The following ANKRD11 variants were observed in gnomAD, a reference collection of about 807,000 sequenced individuals.
ANKRD11 encodes the protein ankyrin repeat domain 11.
A neutral mutation model predicts 195.7 loss-of-function variants in ANKRD11; 17 were observed. The ratio of observed to expected loss-of-function variants is 0.09; its 90% CI spans 0.06 to 0.13. The LOEUF (loss-of-function observed/expected upper bound fraction) is 0.13. Ranked by LOEUF, ANKRD11 falls within the 10% of genes least tolerant of loss-of-function variation. The pLI, the probability that ANKRD11 is intolerant of heterozygous loss-of-function variation, is 1.00. For synonymous variants in ANKRD11, 1,953 were observed against 1,528.1 expected (o/e 1.28, Z -6.49); for missense variants, 3,735 against 3,566.1 (o/e 1.05, Z -1.21).
chr16:89,330,553 G>A lies in ANKRD11; in HGVS notation c.-59-13475C>T, dbSNP rs558311531. Among the ~76,000 whole-genome samples, 3 of 151,800 alleles carry A rather than the reference G, an allele frequency of 2.0e-5. No homozygotes were observed. The East Asian group carries it at 5.8e-4, about 29-fold the overall frequency. On this transcript the variant is annotated intron_variant, in intron 2 of 12. Transcript: ENST00000301030. The stretch of plus-strand genomic sequence containing the variant: ...TTTCCACAGTGCAGTCATTGATGGG[G>A]TGGTGTGGGGGGGAGCCACGGCACC...
At chr16:89,361,968 G>A (rs1411524423) in intron 2 of ANKRD11, among the ~76,000 whole-genome samples, 1 of 152,222 alleles carries the variant, frequency 6.6e-6, no homozygotes, top group Non-Finnish European at 1.5e-5. Context: ...TGGATGGGCG[G>A]CCAGGGGCTT....
intron 7 of ANKRD11, chr16:89,287,104 A>G (rs1333201334): frequency 7.8e-7 from 1 of 1,289,812 alleles, no homozygotes. Context: ...CCTTTCCTCC[A>G]TCATGGGGGC....
intron 11 of ANKRD11, chr16:89,272,056 A>G (rs1158913619): frequency 6.6e-6 from 1 of 152,268 alleles, no homozygotes; most frequent in East Asian, 1.9e-4. Context: ...GAAAAAATCT[A>G]ATAATCCCAT....
chr16:89,397,149 AC>A (rs959114679), intron 2 of ANKRD11, among the ~76,000 whole-genome samples: 2 of 152,104 alleles, frequency 1.3e-5, no homozygotes, highest in African/African-American at 4.8e-5. Context: ...CAGCAGACAT[AC>A]CCACAGAGCC....
chr16:89,377,596 C>T (rs752709715), intron 2 of ANKRD11, among the ~76,000 whole-genome samples: 1 of 152,154 alleles, frequency 6.6e-6, no homozygotes, highest in Non-Finnish European at 1.5e-5. Flanking sequence ...TTCTGACCCA[C>T]ACCAGGTGAC....
chr16:89,482,145 CAG>C (rs1422170334), intron 1 of ANKRD11, among the ~76,000 whole-genome samples: 39 of 152,274 alleles, frequency 2.6e-4, no homozygotes, highest in African/African-American at 9.1e-4. Flanking sequence ...TCAGAAAAAG[CAG>C]AGTTTGTCTA....
chr16:89,457,404 C>A, intron 1 of ANKRD11, among the ~76,000 whole-genome samples: 1 of 150,838 alleles, frequency 6.6e-6, no homozygotes, highest in Admixed American at 6.6e-5. Flanking sequence ...CAAGACCAGC[C>A]CAGTCAATAT....
At chr16:89,414,256 T>A (rs1000841375) in intron 2 of ANKRD11, among the ~76,000 whole-genome samples, 10 of 152,248 alleles carry the variant, frequency 6.6e-5, no homozygotes, top group Non-Finnish European at 1.5e-5. Context: ...GCCTTTGTTA[T>A]CATTAACAAA....
chr16:89,373,811 G>A (rs2040299793), intron 2 of ANKRD11, among the ~76,000 whole-genome samples: 1 of 152,222 alleles, frequency 6.6e-6, no homozygotes, highest in Admixed American at 6.5e-5. Flanking sequence ...AGACGCCTGT[G>A]TAGGGTTACA....
chr16:89,440,799 C>T (rs1257829640), intron 1 of ANKRD11, among the ~76,000 whole-genome samples: 1 of 152,150 alleles, frequency 6.6e-6, no homozygotes, highest in Non-Finnish European at 1.5e-5. Context: ...CCAAGCCTGC[C>T]GGGACTGAAA....
chr16:89,442,691 T>G (rs2043573923), intron 1 of ANKRD11, among the ~76,000 whole-genome samples: 1 of 152,208 alleles, frequency 6.6e-6, no homozygotes, highest in African/African-American at 2.4e-5. Context: ...GTTAGTCCTT[T>G]CCTCCCCACC....
In ANKRD11 at chr16:89,291,406, C is replaced by A. The variant is rs1043063551; in HGVS notation, c.227-223G>T. 7.2e-5 allele frequency among the ~76,000 whole-genome samples: 11 copies of A among 152,212 alleles called. No homozygotes were observed. The highest frequency in any genetic ancestry group is 2.7e-4 in the African/African-American group (11 of 41,452). On this transcript the variant is annotated intron_variant, in intron 4 of 12. Coordinates refer to ENST00000301030, the MANE Select transcript of ANKRD11 (RefSeq NM_013275.6). This position sits in a 1 kb window ranked among gnomAD's most constrained non-coding sequence, Gnocchi z 5.3. ...GTGAGACCATTTAAACACCTCGTTACCAGCCCCTCAAGTCTGCTAAGCCTG... is the reference window on the plus strand; with the variant it reads ...GTGAGACCATTTAAACACCTCGTTAACAGCCCCTCAAGTCTGCTAAGCCTG...
chr16:89,455,942 G>T (rs2056414754), intron 1 of ANKRD11, among the ~76,000 whole-genome samples: 1 of 152,130 alleles, frequency 6.6e-6, no homozygotes, highest in South Asian at 2.1e-4. Context: ...ATTGAAAACA[G>T]AAAGGTGGAA....
At chr16:89,320,272 C>G (rs1479847120) in intron 2 of ANKRD11, 2 of 152,288 alleles carry the variant, frequency 1.3e-5, no homozygotes, top group Non-Finnish European at 2.9e-5. Flanking sequence ...CCGGGTCTCA[C>G]TCCCGGGGGA....
intron 2 of ANKRD11, among the ~76,000 whole-genome samples, chr16:89,320,785 G>A (rs1178975622): frequency 2.0e-5 from 3 of 152,246 alleles, no homozygotes; most frequent in Non-Finnish European, 4.4e-5. Flanking sequence ...GGCCAGCTCT[G>A]GGATCCAGGG....
chr16:89,477,707 T>C (rs2152364136), intron 1 of ANKRD11, among the ~76,000 whole-genome samples: 1 of 150,514 alleles, frequency 6.6e-6, no homozygotes, highest in East Asian at 2.0e-4. Context: ...GCGCGGTGGC[T>C]CATGCCTGTA....
At chr16:89,352,903 T>C (rs1469984983) in intron 2 of ANKRD11, among the ~76,000 whole-genome samples, 5 of 152,234 alleles carry the variant, frequency 3.3e-5, no homozygotes, top group African/African-American at 1.2e-4. Context: ...CTTCACGGCA[T>C]GTTTAAGCAA....
At chr16:89,469,891 A>G (rs1313195496) in intron 1 of ANKRD11, among the ~76,000 whole-genome samples, 1 of 134,900 alleles carries the variant, frequency 7.4e-6, no homozygotes, top group Non-Finnish European at 1.6e-5. Context: ...TCAGAAAAAC[A>G]AAGTCAGTTG....
chr16:89,443,894 A>T (rs2043651799), intron 1 of ANKRD11, among the ~76,000 whole-genome samples: 1 of 152,190 alleles, frequency 6.6e-6, no homozygotes, highest in Non-Finnish European at 1.5e-5. Context: ...AAGTGCCAAC[A>T]AAGCCTGTGC....
Sources: allele counts gnomAD v4.1 joint callset (sites outside exome capture counted in the v4.1 genomes callset), GRCh38; gene constraint gnomAD v4.1.1; non-coding constraint Gnocchi (gnomAD v3.1); transcripts MANE v1.5; gene names NCBI Gene and HGNC (gene_info 2026-07-23, HGNC 2026-07-21).